Variants in IFNLR1 observed in about 807,000 individuals in gnomAD.
IFNLR1 encodes the protein CRF2-12.
A neutral mutation model predicts 52.5 loss-of-function variants in IFNLR1; 28 were observed. The observed-to-expected ratio is 0.53, with a 90% CI of 0.40 to 0.73. The LOEUF is 0.73. Ranked by LOEUF, IFNLR1 falls within the 30% of genes least tolerant of loss-of-function variation. The pLI, the probability that IFNLR1 is intolerant of heterozygous loss-of-function variation, is 0.00. For synonymous variants in IFNLR1, 276 were observed against 274.9 expected (o/e 1.00, Z -0.04); for missense variants, 623 against 659.1 (o/e 0.95, Z 0.60).
chr1:24,159,240 C>T (rs1644414434), intron 5 of IFNLR1, 58 bp from the exon 6 acceptor site: 3 of 1,595,446 alleles, frequency 1.9e-6, no homozygotes, highest in South Asian at 1.1e-5. Context: ...TACAACTGCA[C>T]CTGTGCCGAG....
intron 2 of IFNLR1, among the ~76,000 whole-genome samples, chr1:24,177,334 C>A (rs1644643170): frequency 6.6e-6 from 1 of 152,188 alleles, no homozygotes; most frequent in South Asian, 2.1e-4. Flanking sequence ...GAATCTGAAA[C>A]CCTCAAAACC....
Position 24,157,954 on chromosome 1 carries a change from A to G in IFNLR1, c.802-63T>C. 1 of 1,406,984 alleles carries G rather than the reference A, an allele frequency of 7.1e-7. No homozygotes were observed. The highest frequency in any genetic ancestry group is 9.6e-7 in the Non-Finnish European group (1 of 1,045,412). 87.2% of individuals were successfully genotyped at this position (1,406,984 alleles called of 1,614,324 possible). On this transcript the variant is annotated intron_variant, in intron 6 of 6. Transcript: ENST00000327535. This position sits in a 1 kb window ranked among gnomAD's most constrained non-coding sequence, Gnocchi z 5.1. ...GCTTTCCTGAAGCATAATTATCATC[A>G]TCTGAATTCCCCTAGAAACAGACCT...
intron 3 of IFNLR1, among the ~76,000 whole-genome samples, chr1:24,168,058 T>C (rs1029035921): frequency 1.3e-5 from 2 of 152,136 alleles, no homozygotes; most frequent in African/African-American, 4.8e-5. Flanking sequence ...GAACCTTGAC[T>C]AACATACTTC....
In IFNLR1 at chr1:24,156,985, A is replaced by T; in HGVS notation, c.*145T>A. On this transcript the variant is annotated 3_prime_UTR_variant, in exon 7 of 7. Transcript: ENST00000327535. ...ATCTTGTTGCTCAGCCCGACAGGCA[A>T]ACAGCCGCTAGGTGGACTTCCCGGA... 1.1e-6 allele frequency: 1 copy of T among 881,422 alleles called. No homozygotes were observed. Among genetic ancestry groups the T allele is most frequent in the Non-Finnish European group, 1.7e-6 (1 of 572,988 alleles). The allele number at this position is 881,422 out of a possible 1,614,324, so 54.6% of individuals were successfully genotyped here. A position where few individuals can be genotyped will look rare whatever the true frequency, so the allele number is the denominator to read the frequency against.
chr1:24,165,299 T>C (rs1433872438), intron 3 of IFNLR1, among the ~76,000 whole-genome samples: 1 of 152,214 alleles, frequency 6.6e-6, no homozygotes, highest in East Asian at 1.9e-4. Flanking sequence ...AGGACACAAT[T>C]CTGCTAAGCT....
intron 2 of IFNLR1, among the ~76,000 whole-genome samples, chr1:24,177,469 G>A (rs1644644535): frequency 6.6e-6 from 1 of 152,220 alleles, no homozygotes; most frequent in African/African-American, 2.4e-5. Flanking sequence ...AGGGCAGGAG[G>A]AGCAGAAGGA....
chr1:24,166,667 C>A (rs575496285), intron 3 of IFNLR1, among the ~76,000 whole-genome samples: 7 of 152,242 alleles, frequency 4.6e-5, no homozygotes, highest in Admixed American at 4.6e-4. Context: ...CTACCTTGGC[C>A]TCCCAGATAG....
At position 24,155,507 on chromosome 1, in the gene IFNLR1, CCA is replaced by C. The variant is rs1328134728; in HGVS notation, c.*1621_*1622del. On this transcript the variant is annotated 3_prime_UTR_variant, in exon 7 of 7. Coordinates refer to ENST00000327535, the MANE Select transcript of IFNLR1 (RefSeq NM_170743.4). ...TCTAAACAAAACCTCACGTGGAAAGCCACAGTGTGTGAATCAGGGCACAGTGA... is the reference window on the plus strand; with the variant it reads ...TCTAAACAAAACCTCACGTGGAAAGCCAGTGTGTGAATCAGGGCACAGTGA... The C allele has an allele frequency of 6.6e-6, 1 of 152,226 alleles. No individual in the cohort carries two copies. The highest frequency in any genetic ancestry group is 1.5e-5 in the Non-Finnish European group (1 of 68,046). The allele number at this position is 152,226 out of a possible 1,614,324, so 9.4% of individuals were successfully genotyped here.
intron 4 of IFNLR1, 109 bp downstream of exon 4, chr1:24,161,433 A>T (rs1644441606): frequency 7.9e-7 from 1 of 1,270,778 alleles, no homozygotes; most frequent in Non-Finnish European, 1.1e-6. Context: ...TGTACAGGGA[A>T]GACTTCCTGG....
intron 4 of IFNLR1, among the ~76,000 whole-genome samples, chr1:24,160,507 A>G (rs1240346436): frequency 6.6e-6 from 1 of 152,214 alleles, no homozygotes; most frequent in Non-Finnish European, 1.5e-5. Context: ...TTAAAACTGC[A>G]CATGTGGCTT....
At chr1:24,180,676 G>GCCCCCCCCCCCCCCCC in intron 2 of IFNLR1, 55 bp downstream of exon 2, 1 of 455,862 alleles carries the variant, frequency 2.2e-6, no homozygotes, top group South Asian at 1.8e-5. Flanking sequence ...AGCCCCTCCA[G>GCCCCCCCCCCCCCCCC]CCCCCACCCA....
At chr1:24,179,431 G>A (rs749913173) in intron 2 of IFNLR1, among the ~76,000 whole-genome samples, 4 of 152,204 alleles carry the variant, frequency 2.6e-5, no homozygotes, top group Non-Finnish European at 5.9e-5. Flanking sequence ...TTGACACAGT[G>A]CCAGCCACAC....
Position 24,154,835 on chromosome 1 carries a change from G to C in IFNLR1, c.*2295C>G, listed in dbSNP as rs1252831540. 2 of 152,170 alleles carry C rather than the reference G, an allele frequency of 1.3e-5. No homozygotes were observed. The highest frequency in any genetic ancestry group is 2.9e-5 in the Non-Finnish European group (2 of 68,030). The allele number at this position is 152,170 out of a possible 1,614,324, so 9.4% of individuals were successfully genotyped here. A position where few individuals can be genotyped will look rare whatever the true frequency, so the allele number is the denominator to read the frequency against. ...CAGGAGAATCACTTGAACCCGGGAG[G>C]TGGAGGTTGCAGTGAGCCGAGATTG... On this transcript the variant is annotated 3_prime_UTR_variant, in exon 7 of 7. Coordinates refer to ENST00000327535, the MANE Select transcript of IFNLR1 (RefSeq NM_170743.4).
chr1:24,157,942 A>G lies in IFNLR1; in HGVS notation c.802-51T>C, dbSNP rs777520271. The G allele has an allele frequency of 1.2e-5, 18 of 1,478,020 alleles. No individual in the cohort carries two copies. The highest frequency in any genetic ancestry group is 2.2e-5 in the Admixed American group (1 of 44,528). The allele number at this position is 1,478,020 out of a possible 1,614,324, so 91.6% of individuals were successfully genotyped here. ...CAGAAAATTTAGGCTTTCCTGAAGC[A>G]TAATTATCATCATCTGAATTCCCCT... On this transcript the variant is annotated intron_variant, in intron 6 of 6. Coordinates refer to ENST00000327535, the MANE Select transcript of IFNLR1 (RefSeq NM_170743.4). This position sits in a 1 kb window ranked among gnomAD's most constrained non-coding sequence, Gnocchi z 5.1.
In IFNLR1 at chr1:24,157,387, A is replaced by C; in HGVS notation, c.1306T>G (p.Phe436Val). Residue 436 changes from phenylalanine to valine, a missense_variant, in exon 7 of 7, where the codon TTC becomes GTC. Physicochemically the swap from Phe to Val is conservative, Grantham distance 50. Transcript: ENST00000327535. The surrounding 1 kb of genome is among the most constrained non-coding windows in gnomAD (Gnocchi z 5.1). ...TTATCTTCTGGGAGCTCTTCCAGGAAACCCGAGTCCTTGGAGAATTCAGGT... is the reference window on the plus strand; with the variant it reads ...TTATCTTCTGGGAGCTCTTCCAGGACACCCGAGTCCTTGGAGAATTCAGGT... ...PPPEFSKDSG[F>V]LEELPEDNLS... The C allele has an allele frequency of 6.2e-7, 1 of 1,614,152 alleles. No individual in the cohort carries two copies. The highest frequency in any genetic ancestry group is 8.5e-7 in the Non-Finnish European group (1 of 1,180,018).
Position 24,159,178 on chromosome 1 carries a change from G to A in IFNLR1, c.675C>T (p.Ala225=). 11 of 1,613,984 alleles carry A rather than the reference G, an allele frequency of 6.8e-6. No individual in the cohort carries two copies. Among genetic ancestry groups the A allele is most frequent in the Non-Finnish European group, 9.3e-6 (11 of 1,179,976 alleles). ...ATGGCAGCACCAGGAAAGCCCAGTT[G>A]GCTTCTAAGGAAGGAAAAATAACAA... The part of the protein sequence containing the change: ...PTCFLLEVPE[A]NWAFLVLPSL... The change falls in exon 6 of 7, where the codon GCC becomes GCT. Residue 225 remains alanine, a synonymous_variant. Transcript: ENST00000327535.
intron 3 of IFNLR1, among the ~76,000 whole-genome samples, chr1:24,166,176 CCCATCCATCCATCCAT>C (rs143399355): frequency 6.7e-6 from 1 of 149,466 alleles, no homozygotes; most frequent in African/African-American, 2.5e-5. Context: ...TCCTTTCCTT[CCCATCCATCCATCCAT>C]CCATCCATCC....
intron 1 of IFNLR1, among the ~76,000 whole-genome samples, chr1:24,185,745 G>C (rs184558887): frequency 3.2e-4 from 49 of 152,326 alleles, no homozygotes; most frequent in African/African-American, 8.7e-4. Flanking sequence ...ACAGTCCCCA[G>C]ATTCGAGCTA....
rs900846927 is a variant in IFNLR1 at position 24,180,857 on chromosome 1, G to A, written c.59-3C>T. 2 of 1,612,368 alleles carry A rather than the reference G, an allele frequency of 1.2e-6. No homozygotes were observed. Among genetic ancestry groups the A allele is most frequent in the African/African-American group, 1.3e-5 (1 of 74,890 alleles). On this transcript the variant is annotated splice_region_variant and splice_polypyrimidine_tract_variant and intron_variant, in intron 1 of 6. Coordinates refer to ENST00000327535, the MANE Select transcript of IFNLR1 (RefSeq NM_170743.4). ...GGGAGGGGCCAGACGGGGCCTCCCT[G>A]GGGGAAAGAAAGGGGTCATGAAGCC... is the stretch of plus-strand genomic sequence containing the variant.
Sources: gnomAD v4.1 joint callset for allele counts (sites outside exome capture counted in the v4.1 genomes callset) on GRCh38, gnomAD v4.1.1 for gene constraint, Gnocchi (gnomAD v3.1) non-coding constraint, MANE v1.5 for transcripts, NCBI Gene and HGNC (gene_info 2026-07-23, HGNC 2026-07-21) for gene names.